Variants in NTNG1 observed in about 807,000 individuals in gnomAD.
NTNG1 encodes netrin-G1.
A neutral mutation model predicts 54.0 loss-of-function variants in NTNG1; 16 were observed. The ratio of observed to expected loss-of-function variants is 0.30; its 90% CI spans 0.20 to 0.45. The LOEUF is 0.45. Ranked by LOEUF, NTNG1 falls within the 20% of genes least tolerant of loss-of-function variation. The pLI, the probability that NTNG1 is intolerant of heterozygous loss-of-function variation, is 1.00. For synonymous variants in NTNG1, 255 were observed against 263.1 expected (o/e 0.97, Z 0.30); for missense variants, 530 against 678.7 (o/e 0.78, Z 2.43).
intron 2 of NTNG1, among the ~76,000 whole-genome samples, chr1:107,226,088 C>T (rs748758172): frequency 6.6e-6 from 1 of 152,102 alleles, no homozygotes; most frequent in Non-Finnish European, 1.5e-5. Flanking sequence ...AGTTATATAG[C>T]TTGTGAGAGA....
intron 2 of NTNG1, among the ~76,000 whole-genome samples, chr1:107,298,806 T>A (rs1352742913): frequency 6.6e-6 from 1 of 152,108 alleles, no homozygotes; most frequent in African/African-American, 2.4e-5. Flanking sequence ...ATGAACCATT[T>A]CAGCATGATT....
chr1:107,166,163 A>G (rs1655778600), intron 2 of NTNG1, among the ~76,000 whole-genome samples: 1 of 152,182 alleles, frequency 6.6e-6, no homozygotes, highest in Non-Finnish European at 1.5e-5. Flanking sequence ...AGCTTCATAA[A>G]ACCAGAAGGC....
chr1:107,185,703 G>C (rs1349573138), intron 2 of NTNG1, among the ~76,000 whole-genome samples: 1 of 152,018 alleles, frequency 6.6e-6, no homozygotes, highest in African/African-American at 2.4e-5. Context: ...TGCTTCAATT[G>C]GTTAAAACAG....
chr1:107,141,436 G>C (rs1005402347), intron 1 of NTNG1: 8 of 150,144 alleles, frequency 5.3e-5, no homozygotes, highest in Admixed American at 4.6e-4. Flanking sequence ...CTCCCGCCCG[G>C]CGCAAGGGCA....
At chr1:107,473,711 T>A (rs1678130934) in intron 7 of NTNG1, among the ~76,000 whole-genome samples, 1 of 152,208 alleles carries the variant, frequency 6.6e-6, no homozygotes, top group African/African-American at 2.4e-5. Flanking sequence ...TCTTTCACTG[T>A]GGAAATTCTA....
chr1:107,154,868 A>G (rs1356119822), intron 2 of NTNG1, among the ~76,000 whole-genome samples: 4 of 152,198 alleles, frequency 2.6e-5, no homozygotes, highest in Non-Finnish European at 5.9e-5. Flanking sequence ...TGGCTTATCT[A>G]CCTGGAACTC....
At chr1:107,205,708 A>G (rs1659139985) in intron 2 of NTNG1, among the ~76,000 whole-genome samples, 1 of 152,100 alleles carries the variant, frequency 6.6e-6, no homozygotes, top group Admixed American at 6.6e-5. Flanking sequence ...ATTTTCACAA[A>G]CTGAAAGTCA....
At chr1:107,268,957 C>T (rs150825939) in intron 2 of NTNG1, among the ~76,000 whole-genome samples, 346 of 152,222 alleles carry the variant, frequency 2.3e-3, no homozygotes, top group African/African-American at 6.3e-3. Flanking sequence ...GGATAACTGA[C>T]GTAATCTATC....
At chr1:107,393,587 C>G (rs1176873905) in intron 3 of NTNG1, among the ~76,000 whole-genome samples, 1 of 151,750 alleles carries the variant, frequency 6.6e-6, no homozygotes, top group East Asian at 1.9e-4. Flanking sequence ...CAGATTGTAG[C>G]AAGAAGTATT....
In NTNG1 at chr1:107,430,180, T is replaced by C. The variant is rs142167619; in HGVS notation, c.1088-570T>C. On this transcript the variant is annotated intron_variant, in intron 5 of 7. Coordinates refer to ENST00000370068, the MANE Select transcript of NTNG1 (RefSeq NM_001113226.3). ...TTAAGAAAGCCATCTTCTCTTAGCA[T>C]TGGGGAAAAACAAAAATAAAGAATT... is the stretch of plus-strand genomic sequence containing the variant. 1.6e-3 allele frequency among the ~76,000 whole-genome samples: 242 copies of C among 152,286 alleles called. 3 individuals carry two copies. Among genetic ancestry groups the C allele is most frequent in the African/African-American group, 5.6e-3 (232 of 41,578 alleles).
intron 2 of NTNG1, among the ~76,000 whole-genome samples, chr1:107,216,717 C>T (rs538368485): frequency 3.9e-4 from 58 of 149,474 alleles, no homozygotes; most frequent in African/African-American, 1.2e-3. Context: ...CTTCCTCTGT[C>T]GCCCAGCTGG....
chr1:107,362,099 A>T (rs1355918825), intron 3 of NTNG1, among the ~76,000 whole-genome samples: 1 of 152,244 alleles, frequency 6.6e-6, no homozygotes, highest in Middle Eastern at 3.4e-3. Context: ...CTCCTTGGGC[A>T]TCCAAAGAGC....
intron 2 of NTNG1, among the ~76,000 whole-genome samples, chr1:107,220,722 C>T (rs147494680): frequency 2.0e-5 from 3 of 152,274 alleles, no homozygotes; most frequent in Non-Finnish European, 4.4e-5. Flanking sequence ...CAGTGTTTGA[C>T]ATAAGATAAA....
chr1:107,374,402 C>G (rs933280994), intron 3 of NTNG1, among the ~76,000 whole-genome samples: 1 of 152,094 alleles, frequency 6.6e-6, no homozygotes, highest in African/African-American at 2.4e-5. Flanking sequence ...ATGCAATTCA[C>G]TGAAGCTTTT....
chr1:107,373,209 C>T (rs1266858097), intron 3 of NTNG1, among the ~76,000 whole-genome samples: 2 of 151,588 alleles, frequency 1.3e-5, no homozygotes, highest in African/African-American at 4.8e-5. Flanking sequence ...TAAATGATTC[C>T]TTTATATCTC....
chr1:107,222,881 T>C (rs193256858), intron 2 of NTNG1, among the ~76,000 whole-genome samples: 1 of 149,844 alleles, frequency 6.7e-6, no homozygotes, highest in African/African-American at 2.5e-5. Flanking sequence ...GGGAGCATAC[T>C]GAGTTATATG....
chr1:107,178,955 C>A (rs5023291), intron 2 of NTNG1, among the ~76,000 whole-genome samples: 122,767 of 152,132 alleles, frequency 0.81, 49,693 homozygotes, highest in Middle Eastern at 0.87. Flanking sequence ...AGATCAATGT[C>A]GCTGCTTGGA....
intron 2 of NTNG1, among the ~76,000 whole-genome samples, chr1:107,200,764 A>G (rs1489719719): frequency 6.6e-6 from 1 of 151,776 alleles, no homozygotes; most frequent in African/African-American, 2.4e-5. Flanking sequence ...AGCCCCTCCT[A>G]TTACTCTCCA....
At chr1:107,282,957 A>G (rs1365458543) in intron 2 of NTNG1, among the ~76,000 whole-genome samples, 1 of 152,108 alleles carries the variant, frequency 6.6e-6, no homozygotes, top group African/African-American at 2.4e-5. Flanking sequence ...CTCACTTGAC[A>G]GAGGGGGTGA....
Sources: gnomAD v4.1 joint callset for allele counts (sites outside exome capture counted in the v4.1 genomes callset) on GRCh38, gnomAD v4.1.1 for gene constraint, MANE v1.5 for transcripts, NCBI Gene and HGNC (gene_info 2026-07-23, HGNC 2026-07-21) for gene names.